Variants in SLC9C1 observed in about 807,000 individuals in gnomAD.
SLC9C1 encodes the protein sodium/hydrogen exchanger 10.
In SLC9C1, 97 loss-of-function variants were observed where a neutral mutation model predicts 140.9. That is an observed-to-expected ratio of 0.69 (90% confidence interval 0.58 to 0.82). The LOEUF is 0.82. SLC9C1 is among the 40% of genes least tolerant of loss of function. The pLI, the probability that SLC9C1 is intolerant of heterozygous loss-of-function variation, is 0.00. For synonymous variants in SLC9C1, 440 were observed against 442.6 expected, an observed-to-expected ratio of 0.99 and a Z score of 0.07; for missense variants, 1,340 against 1,389.3, an observed-to-expected ratio of 0.96 and a Z score of 0.56.
chr3:112,151,871 G>A lies in SLC9C1; in HGVS notation c.3510C>T (p.Asn1170=). 3 of 1,612,512 alleles carry A rather than the reference G, an allele frequency of 1.9e-6. No homozygotes were observed. The Middle Eastern group carries it at 5.0e-4, about 266-fold the overall frequency. ...GAGTGGCTTACCTGACTTTCCTTAGGTTTATTCTAGGGGACTCCTTACAGT... is the reference window on the plus strand; with the variant it reads ...GAGTGGCTTACCTGACTTTCCTTAGATTTATTCTAGGGGACTCCTTACAGT... ...KFNCKESPRI[N]LRKVRKE Residue 1170 remains asparagine, a synonymous_variant, in exon 28 of 29, where the codon AAC becomes AAT. Transcript: ENST00000305815.
Position 112,199,384 on chromosome 3 carries a change from T to C in SLC9C1, c.2460A>G (p.Glu820=). ...CTTTTAAGCCAAAAGCCTTAAGAATTTCTGTAGCCATATTGAGCATAACAT... is the reference window on the plus strand; with the variant it reads ...CTTTTAAGCCAAAAGCCTTAAGAATCTCTGTAGCCATATTGAGCATAACAT... ...EINVMLNMAT[E]ILKAFGLKGI... The change falls in exon 20 of 29, where the codon GAA becomes GAG. Residue 820 remains glutamate, a synonymous_variant. Transcript: ENST00000305815. The C allele has an allele frequency of 6.3e-7, 1 of 1,599,212 alleles. No homozygotes were observed. The highest frequency in any genetic ancestry group is 1.3e-5 in the African/African-American group (1 of 74,550).
At chr3:112,193,627 T>C (rs561385444) in intron 20 of SLC9C1, among the ~76,000 whole-genome samples, 2 of 151,920 alleles carry the variant, frequency 1.3e-5, no homozygotes, top group East Asian at 3.9e-4. Flanking sequence ...TGGCATGGGG[T>C]CATTGGGCAG....
chr3:112,167,758 G>T (rs2077166097), intron 25 of SLC9C1, among the ~76,000 whole-genome samples: 1 of 152,004 alleles, frequency 6.6e-6, no homozygotes, highest in Admixed American at 6.6e-5. Flanking sequence ...TTTCAATATA[G>T]TTTGAATCAC....
intron 18 of SLC9C1, among the ~76,000 whole-genome samples, chr3:112,201,659 C>T (rs1367395630): frequency 6.6e-6 from 1 of 152,006 alleles, no homozygotes; most frequent in Non-Finnish European, 1.5e-5. Flanking sequence ...AATTATCTTT[C>T]CTGCTTACTC....
intron 23 of SLC9C1, 53 bp downstream of exon 23, chr3:112,179,478 T>A: frequency 6.5e-7 from 1 of 1,536,558 alleles, no homozygotes; most frequent in African/African-American, 1.4e-5. Flanking sequence ...TAACCTTAAA[T>A]CTGATATTAT....
intron 1 of SLC9C1, among the ~76,000 whole-genome samples, chr3:112,290,272 T>C (rs2080640166): frequency 6.6e-6 from 1 of 152,244 alleles, no homozygotes; most frequent in Non-Finnish European, 1.5e-5. Flanking sequence ...TTAAGAAGTC[T>C]ATTGTTTTCC....
chr3:112,207,658 A>G (rs2108061309), intron 16 of SLC9C1, among the ~76,000 whole-genome samples: 1 of 152,154 alleles, frequency 6.6e-6, no homozygotes, highest in East Asian at 1.9e-4. Flanking sequence ...GTTGTTTATT[A>G]TGCAATGTAC....
intron 15 of SLC9C1, among the ~76,000 whole-genome samples, chr3:112,215,001 C>T (rs1375013015): frequency 1.3e-5 from 2 of 152,166 alleles, no homozygotes; most frequent in Admixed American, 6.5e-5. Flanking sequence ...CATCAAAAAG[C>T]TTATCTACTA....
chr3:112,186,496 G>A (rs1029582086), intron 20 of SLC9C1, among the ~76,000 whole-genome samples: 18 of 152,126 alleles, frequency 1.2e-4, no homozygotes, highest in East Asian at 1.9e-4. Flanking sequence ...CATGTGAGTA[G>A]ATCAAGTCAA....
At position 112,266,124 on chromosome 3, in the gene SLC9C1, A is replaced by G. The variant is rs975665819; in HGVS notation, c.878+114T>C. On this transcript the variant is annotated intron_variant, in intron 8 of 28. Transcript: ENST00000305815. Reference sequence around the variant, plus strand: ...ATCTAGGAAAGGTTTTTAGTTGGGTAGTTTTCAAGTCTTTGAAAATCTTAC... The same window carrying G: ...ATCTAGGAAAGGTTTTTAGTTGGGTGGTTTTCAAGTCTTTGAAAATCTTAC... 235 of 767,890 alleles carry G rather than the reference A, an allele frequency of 3.1e-4. 11 individuals are homozygous for G. In the South Asian group the frequency reaches 3.3e-3, roughly 11 times the overall value. 47.6% of individuals were successfully genotyped at this position (767,890 alleles called of 1,614,324 possible).
At chr3:112,274,648 C>T (rs4564948) in intron 6 of SLC9C1, among the ~76,000 whole-genome samples, 44,260 of 152,012 alleles carry the variant, frequency 0.29, 6,985 homozygotes, top group East Asian at 0.43. Flanking sequence ...CATTCTGGTT[C>T]AGCCCAGGCC....
intron 14 of SLC9C1, among the ~76,000 whole-genome samples, chr3:112,218,205 C>G (rs1485525566): frequency 6.8e-6 from 1 of 147,674 alleles, no homozygotes; most frequent in Non-Finnish European, 1.5e-5. Context: ...TGAGACAGCT[C>G]AGATCCGTGT....
chr3:112,205,769 A>G (rs975289459), intron 16 of SLC9C1, among the ~76,000 whole-genome samples: 38 of 143,038 alleles, frequency 2.7e-4, no homozygotes, highest in Non-Finnish European at 5.6e-4. Flanking sequence ...TCCCTATTTA[A>G]TAAATGGTGC....
At chr3:112,154,804 C>A (rs1254336299) in intron 27 of SLC9C1, among the ~76,000 whole-genome samples, 193 bp downstream of exon 27, 2 of 152,132 alleles carry the variant, frequency 1.3e-5, no homozygotes. Context: ...TTTGTCATTT[C>A]TCTAATATTT....
intron 1 of SLC9C1, among the ~76,000 whole-genome samples, chr3:112,288,715 G>C (rs1056701070): frequency 6.6e-6 from 1 of 152,140 alleles, no homozygotes; most frequent in African/African-American, 2.4e-5. Flanking sequence ...AACTATGATC[G>C]TGACACTGCA....
In SLC9C1 at chr3:112,164,273, T is replaced by C. The variant is rs528665537; in HGVS notation, c.3364+2948A>G. ...AATTGGAGCACTTAGTCCATTTACA[T>C]TTAAAGTTAATATTGTTTTGTGTGA... On this transcript the variant is annotated intron_variant, in intron 26 of 28. Transcript: ENST00000305815. Among the ~76,000 whole-genome samples, 8 of 150,460 alleles carry C rather than the reference T, an allele frequency of 5.3e-5. No homozygotes were observed. In the South Asian group the frequency reaches 1.7e-3, roughly 32 times the overall value.
intron 13 of SLC9C1, among the ~76,000 whole-genome samples, chr3:112,224,603 A>T (rs1006328562): frequency 9.5e-5 from 6 of 63,156 alleles, no homozygotes; most frequent in Admixed American, 2.2e-4. Context: ...TAGATATTAT[A>T]AAAAAATAAC....
intron 20 of SLC9C1, among the ~76,000 whole-genome samples, chr3:112,190,964 C>CACACACAT (rs1491260690): frequency 1.3e-4 from 12 of 89,132 alleles, no homozygotes; most frequent in South Asian, 2.7e-4. Context: ...CACACACACA[C>CACACACAT]ATATATATAT....
rs545677231 is a variant in SLC9C1 at position 112,270,036 on chromosome 3, T to C, written c.655A>G (p.Ser219Gly). The C allele has an allele frequency of 1.9e-6, 3 of 1,591,574 alleles. No homozygotes were observed. The South Asian group carries it at 3.5e-5, about 18-fold the overall frequency. ...VGGICSYIIA[S>G]FLFGILSSKL... ...GAACTTAGAATTCCAAACAAGAAACTTGCTATAATATATGAACAAATTCCA... is the reference window on the plus strand; with the variant it reads ...GAACTTAGAATTCCAAACAAGAAACCTGCTATAATATATGAACAAATTCCA... Residue 219 changes from serine (S) to glycine (G), a missense_variant, in exon 7 of 29, where the codon AGT (serine) becomes GGT (glycine). Ser to Gly is a moderately conservative substitution (Grantham distance 56). Coordinates refer to ENST00000305815, the MANE Select transcript of SLC9C1 (RefSeq NM_183061.3).
Sources: allele counts gnomAD v4.1 joint callset (sites outside exome capture counted in the v4.1 genomes callset), GRCh38; gene constraint gnomAD v4.1.1; transcripts MANE v1.5; gene names NCBI Gene and HGNC (gene_info 2026-07-23, HGNC 2026-07-21).